Variants in GRAP2 observed in about 807,000 individuals in gnomAD.
GRAP2 encodes the protein GRB2-related adapter protein 2.
Under a neutral mutation model 43.5 loss-of-function variants are expected in GRAP2, and 31 were observed. The observed-to-expected ratio is 0.71, with a 90% CI of 0.54 to 0.96. The LOEUF is 0.96. GRAP2 is among the 40% of genes least tolerant of loss of function. The pLI is 0.00. For synonymous variants in GRAP2, 156 were observed against 164.8 expected (o/e 0.95, Z 0.41); for missense variants, 371 against 424.4 (o/e 0.87, Z 1.11).
At chr22:39,896,464 G>T (rs1245833489), upstream of GRAP2, among the ~76,000 whole-genome samples, 3 of 152,196 alleles carry the variant, frequency 2.0e-5, no homozygotes, top group African/African-American at 7.2e-5. Context: ...GGTCAGTTTG[G>T]CAGGAAAGCT....
chr22:39,938,929 C>T (rs543306457), intron 1 of GRAP2, among the ~76,000 whole-genome samples: 1 of 152,286 alleles, frequency 6.6e-6, no homozygotes, highest in African/African-American at 2.4e-5. Context: ...GGACAAGCTG[C>T]AGAGGCCCCC....
At chr22:39,955,947 C>T in intron 3 of GRAP2, 37 bp downstream of exon 3, 2 of 900,710 alleles carry the variant, frequency 2.2e-6, no homozygotes, top group African/African-American at 1.6e-5. Context: ...GGCCTAGCCA[C>T]ACACACTCCT....
chr22:39,896,224 T>C (rs1389896461), upstream of GRAP2, among the ~76,000 whole-genome samples: 1 of 152,206 alleles, frequency 6.6e-6, no homozygotes, highest in Non-Finnish European at 1.5e-5. Flanking sequence ...CAATAAGTGA[T>C]GAAGGCCATA....
chr22:39,948,674 T>C (rs2066950335), intron 2 of GRAP2, among the ~76,000 whole-genome samples: 1 of 152,160 alleles, frequency 6.6e-6, no homozygotes, highest in Non-Finnish European at 1.5e-5. Context: ...CTCTGGAATC[T>C]GCCTTTTACC....
At chr22:39,966,743 A>C (rs1264172859) in intron 5 of GRAP2, among the ~76,000 whole-genome samples, 1 of 152,206 alleles carries the variant, frequency 6.6e-6, no homozygotes, top group Non-Finnish European at 1.5e-5. Context: ...TTAAAAGGAA[A>C]TGCGTCAGAC....
At chr22:39,937,256 T>C (rs991519092) in intron 1 of GRAP2, among the ~76,000 whole-genome samples, 2 of 152,216 alleles carry the variant, frequency 1.3e-5, no homozygotes, top group African/African-American at 4.8e-5. Context: ...GGGTGGTGTG[T>C]GTCCCCTCAA....
intron 4 of GRAP2, 46 bp downstream of exon 4, chr22:39,960,220 A>C (rs1323068196): frequency 3.8e-6 from 6 of 1,585,930 alleles, no homozygotes; most frequent in Non-Finnish European, 5.2e-6. Context: ...CGGCCTGTTA[A>C]CCTCACAGAA....
intron 1 of GRAP2, among the ~76,000 whole-genome samples, chr22:39,922,667 G>T (rs2066663079): frequency 6.6e-6 from 1 of 152,210 alleles, no homozygotes; most frequent in Non-Finnish European, 1.5e-5. Flanking sequence ...GAGTCAGGAA[G>T]GAGAAGTAGG....
chr22:39,946,955 T>A (rs2066928626), intron 1 of GRAP2, 138 bp from the exon 2 acceptor site: 1 of 645,658 alleles, frequency 1.5e-6, no homozygotes, highest in Non-Finnish European at 2.8e-6. Context: ...CCTTGTTGTG[T>A]GCCTGAGCCT....
chr22:39,916,152 A>G (rs2066600783), intron 1 of GRAP2, among the ~76,000 whole-genome samples: 1 of 152,210 alleles, frequency 6.6e-6, no homozygotes, highest in Non-Finnish European at 1.5e-5. Context: ...TGTTAGAATT[A>G]TTTATGTGGG....
intron 2 of GRAP2, among the ~76,000 whole-genome samples, chr22:39,951,342 C>T (rs1034904604): frequency 2.0e-5 from 3 of 152,192 alleles, no homozygotes; most frequent in Non-Finnish European, 4.4e-5. Context: ...TATCTCTTGA[C>T]CCAGTCCATT....
At chr22:39,959,714 T>C (rs1335826313) in intron 3 of GRAP2, among the ~76,000 whole-genome samples, 1 of 152,112 alleles carries the variant, frequency 6.6e-6, no homozygotes, top group African/African-American at 2.4e-5. Flanking sequence ...CTGGTCTATC[T>C]CTTCCGCAGC....
intron 3 of GRAP2, among the ~76,000 whole-genome samples, chr22:39,958,368 C>T (rs1177823035): frequency 6.6e-6 from 1 of 152,178 alleles, no homozygotes; most frequent in Non-Finnish European, 1.5e-5. Flanking sequence ...ATGTTCTCCA[C>T]AGCACTTACC....
At chr22:39,918,447 A>G (rs2066621861) in intron 1 of GRAP2, among the ~76,000 whole-genome samples, 1 of 152,164 alleles carries the variant, frequency 6.6e-6, no homozygotes, top group African/African-American at 2.4e-5. Flanking sequence ...CATTCACCTC[A>G]TTTGTAAGTC....
Position 39,966,128 on chromosome 22 carries a change from C to T in GRAP2, c.429C>T (p.Ile143=). The change falls in exon 5 of 8, where the codon ATC becomes ATT. Residue 143 remains isoleucine (I), a synonymous_variant. Transcript: ENST00000344138. ...RTNSISRQKQ[I]FLRDRTREDQ... ...ATTCCATCTCCAGACAGAAGCAGATCTTCCTTAGAGACAGAACCCGAGAAG... is the reference window on the plus strand; with the variant it reads ...ATTCCATCTCCAGACAGAAGCAGATTTTCCTTAGAGACAGAACCCGAGAAG... The T allele has an allele frequency of 6.2e-7, 1 of 1,614,096 alleles. No homozygotes were observed. The highest frequency in any genetic ancestry group is 8.5e-7 in the Non-Finnish European group (1 of 1,179,942).
chr22:39,941,303 A>G (rs765761330), intron 1 of GRAP2, among the ~76,000 whole-genome samples: 4 of 152,156 alleles, frequency 2.6e-5, no homozygotes, highest in Non-Finnish European at 5.9e-5. Flanking sequence ...GAACAACCCC[A>G]CGGAGTAACT....
At chr22:39,916,294 G>A (rs1164358065) in intron 1 of GRAP2, among the ~76,000 whole-genome samples, 1 of 152,226 alleles carries the variant, frequency 6.6e-6, no homozygotes, top group Admixed American at 6.5e-5. Flanking sequence ...GCTCAATTAG[G>A]ATGGCAGAGG....
chr22:39,970,872 T>A (rs200975316), intron 7 of GRAP2, 33 bp from the exon 8 acceptor site: 88 of 1,551,044 alleles, frequency 5.7e-5, no homozygotes, highest in Non-Finnish European at 7.5e-5. Flanking sequence ...AGCCCACAGC[T>A]CAGCAGAGCC....
chr22:39,959,731 C>T (rs1465322548), intron 3 of GRAP2, among the ~76,000 whole-genome samples: 1 of 152,184 alleles, frequency 6.6e-6, no homozygotes, highest in Non-Finnish European at 1.5e-5. Flanking sequence ...CAGCTGCCGG[C>T]AGGCGGCTGC....
Sources: allele counts gnomAD v4.1 joint callset (sites outside exome capture counted in the v4.1 genomes callset), GRCh38; gene constraint gnomAD v4.1.1; transcripts MANE v1.5; gene names NCBI Gene and HGNC (gene_info 2026-07-23, HGNC 2026-07-21).